Variants in IL17RD observed in about 807,000 individuals in gnomAD.
The protein encoded by IL17RD is interleukin-17 receptor D.
In IL17RD, 52 loss-of-function variants were observed where a neutral mutation model predicts 80.5. That is an observed-to-expected ratio of 0.65 (90% CI 0.52 to 0.81). The LOEUF (loss-of-function observed/expected upper bound fraction) is 0.81. Ranked by LOEUF, IL17RD falls within the 40% of genes least tolerant of loss-of-function variation. IL17RD has a pLI of 0.00. For missense variants in IL17RD, 1,024 were observed against 955.1 expected (o/e 1.07, Z -0.95); for synonymous variants, 416 against 391.8 (o/e 1.06, Z -0.73).
chr3:57,138,939 CAAA>C (rs1026336884), intron 1 of IL17RD, among the ~76,000 whole-genome samples: 22 of 40,476 alleles, frequency 5.4e-4, no homozygotes, highest in African/African-American at 1.8e-3. Context: ...AACTCCATCT[CAAA>C]AAAAAAAAAA....
At chr3:57,127,345 T>TAA (rs1707506194) in intron 1 of IL17RD, among the ~76,000 whole-genome samples, 1 of 83,628 alleles carries the variant, frequency 1.2e-5, no homozygotes, top group African/African-American at 4.8e-5. Context: ...TAAAAATATA[T>TAA]ATAAATATAT....
intron 1 of IL17RD, among the ~76,000 whole-genome samples, chr3:57,146,942 T>C (rs1707943898): frequency 6.7e-6 from 1 of 149,196 alleles, no homozygotes; most frequent in African/African-American, 2.5e-5. Context: ...CTGCCTCAGC[T>C]TCCCGAGCAG....
chr3:57,158,882 T>C (rs890782209), intron 1 of IL17RD, among the ~76,000 whole-genome samples: 39 of 152,220 alleles, frequency 2.6e-4, no homozygotes, highest in African/African-American at 9.4e-4. Context: ...AGAGATATTC[T>C]TGGTATTATT....
In IL17RD at chr3:57,130,202, C is replaced by G. The variant is rs535735261; in HGVS notation, c.127-9889G>C. Among the ~76,000 whole-genome samples the G allele has an allele frequency of 1.2e-4, 19 of 152,318 alleles. 1 individual carries two copies. In the South Asian group the frequency reaches 3.9e-3, roughly 32 times the overall value. ...TTTTCATACACAATTTTGGGAGGTT[C>G]CCAGAGCTCATGAAGGCCACCCAAG... is the stretch of plus-strand genomic sequence containing the variant. On this transcript the variant is annotated intron_variant, in intron 1 of 12. Coordinates refer to ENST00000296318, the MANE Select transcript of IL17RD (RefSeq NM_017563.5).
upstream of IL17RD, among the ~76,000 whole-genome samples, chr3:57,165,892 G>A (rs1221417338): frequency 6.6e-6 from 1 of 151,958 alleles, no homozygotes; most frequent in African/African-American, 2.4e-5. Context: ...CACCCTCCTG[G>A]AAGCTAGAAT....
chr3:57,105,552 A>AAAAAAAAAAAAAAACAT, intron 7 of IL17RD, among the ~76,000 whole-genome samples: 1 of 63,590 alleles, frequency 1.6e-5, no homozygotes, highest in Non-Finnish European at 2.8e-5. Flanking sequence ...AAAAAAAAAA[A>AAAAAAAAAAAAAAACAT]ATATATATAT....
intron 1 of IL17RD, among the ~76,000 whole-genome samples, chr3:57,159,798 T>A (rs2060291414): frequency 6.6e-6 from 1 of 152,216 alleles, no homozygotes; most frequent in African/African-American, 2.4e-5. Context: ...AGCCCTCTCC[T>A]CACCCCACAT....
intron 1 of IL17RD, among the ~76,000 whole-genome samples, chr3:57,125,773 T>A (rs1276525922): frequency 6.6e-6 from 1 of 152,204 alleles, no homozygotes; most frequent in Non-Finnish European, 1.5e-5. Context: ...GGAGGCCTAG[T>A]AACTCCAGTT....
At chr3:57,118,805 T>TAAA (rs1707271622) in intron 2 of IL17RD, among the ~76,000 whole-genome samples, 1 of 152,194 alleles carries the variant, frequency 6.6e-6, no homozygotes, top group South Asian at 2.1e-4. Context: ...TTATAAGCAT[T>TAAA]ACCTCATTTA....
At chr3:57,165,373 C>CGCG, upstream of IL17RD, 3 of 1,141,776 alleles carry the variant, frequency 2.6e-6, no homozygotes, top group Non-Finnish European at 3.3e-6. Context: ...CCGCGGCGGC[C>CGCG]GCGGCGGCAG....
chr3:57,127,273 A>AATAT (rs1559476861), intron 1 of IL17RD, among the ~76,000 whole-genome samples: 5 of 81,378 alleles, frequency 6.1e-5, no homozygotes, highest in African/African-American at 1.2e-4. Flanking sequence ...AATATATATA[A>AATAT]AAATATATAT....
intron 10 of IL17RD, 150 bp from the exon 11 acceptor site, chr3:57,101,513 C>T: frequency 1.8e-6 from 1 of 564,260 alleles, no homozygotes; most frequent in Non-Finnish European, 3.1e-6. Flanking sequence ...CTGATCATCA[C>T]TTGGAATGGG....
intron 1 of IL17RD, among the ~76,000 whole-genome samples, chr3:57,130,580 G>C (rs1375014427): frequency 6.6e-6 from 1 of 152,134 alleles, no homozygotes; most frequent in Non-Finnish European, 1.5e-5. Flanking sequence ...CTGGGGGAGA[G>C]GGAAGTAGTC....
At chr3:57,160,117 A>G (rs972066080) in intron 1 of IL17RD, among the ~76,000 whole-genome samples, 1 of 152,156 alleles carries the variant, frequency 6.6e-6, no homozygotes, top group African/African-American at 2.4e-5. Flanking sequence ...GATTGCAGTG[A>G]GCTGAGATCA....
At chr3:57,146,815 G>T (rs1375272346) in intron 1 of IL17RD, among the ~76,000 whole-genome samples, 2 of 142,890 alleles carry the variant, frequency 1.4e-5, no homozygotes, top group Non-Finnish European at 3.0e-5. Flanking sequence ...TGTGTGAGAG[G>T]TATTCTTTTT....
intron 1 of IL17RD, among the ~76,000 whole-genome samples, chr3:57,126,215 C>G (rs935637803): frequency 6.6e-6 from 1 of 152,158 alleles, no homozygotes; most frequent in African/African-American, 2.4e-5. Context: ...AATTAAGCAC[C>G]CCCATTTGCT....
chr3:57,126,653 A>G (rs1707465188), intron 1 of IL17RD, among the ~76,000 whole-genome samples: 1 of 152,224 alleles, frequency 6.6e-6, no homozygotes. Context: ...GCATAGCTTA[A>G]CTGCCATTTT....
At chr3:57,169,536 G>C (rs2060361043), upstream of IL17RD, 1 of 199,470 alleles carries the variant, frequency 5.0e-6, no homozygotes, top group African/African-American at 2.4e-5. Flanking sequence ...AAATTATCCC[G>C]TGAAACATAA....
intron 3 of IL17RD, among the ~76,000 whole-genome samples, chr3:57,111,993 T>C (rs1707110049): frequency 6.7e-6 from 1 of 150,308 alleles, no homozygotes; most frequent in Admixed American, 6.6e-5. Flanking sequence ...GAAAAAAAAA[T>C]TCATCAGTTG....
Sources: allele counts gnomAD v4.1 joint callset (sites outside exome capture counted in the v4.1 genomes callset), GRCh38; gene constraint gnomAD v4.1.1; transcripts MANE v1.5; gene names NCBI Gene and HGNC (gene_info 2026-07-23, HGNC 2026-07-21).